AK9: variants seen among roughly 807,000 people sequenced by gnomAD.
The protein encoded by AK9 is adenylate kinase domain containing 1.
In AK9, 191 loss-of-function variants were observed where a neutral mutation model predicts 239.6. The ratio of observed to expected loss-of-function variants is 0.80; its 90% CI spans 0.71 to 0.90. The LOEUF (loss-of-function observed/expected upper bound fraction) is 0.90, where lower values mean the gene tolerates loss of function less well. Ranked by LOEUF, AK9 falls within the 40% of genes least tolerant of loss-of-function variation. The pLI is 0.00. For synonymous variants in AK9, 689 were observed against 721.0 expected, an observed-to-expected ratio of 0.96 and a Z score of 0.71; for missense variants, 1,995 against 2,214.7, an observed-to-expected ratio of 0.90 and a Z score of 1.99.
intron 26 of AK9, 108 bp downstream of exon 26, chr6:109,545,758 GT>G (rs1316986405): frequency 3.2e-5 from 43 of 1,345,456 alleles, no homozygotes; most frequent in Non-Finnish European, 3.8e-5. Context: ...AGCTGTGATT[GT>G]GCCACTGCCT....
intron 5 of AK9, among the ~76,000 whole-genome samples, 195 bp downstream of exon 5, chr6:109,671,724 T>C (rs1439783992): frequency 7.6e-6 from 1 of 132,352 alleles, no homozygotes; most frequent in Non-Finnish European, 1.7e-5. Context: ...TATAAACTTA[T>C]TTTTAAAACA....
At chr6:109,606,746 C>T (rs1792933774) in intron 17 of AK9, among the ~76,000 whole-genome samples, 1 of 152,220 alleles carries the variant, frequency 6.6e-6, no homozygotes, top group Non-Finnish European at 1.5e-5. Context: ...GTCCCTCTGC[C>T]TCTGCTTCCC....
At chr6:109,685,125 TTGG>T (rs1220971823) in intron 1 of AK9, among the ~76,000 whole-genome samples, 2 of 152,100 alleles carry the variant, frequency 1.3e-5, no homozygotes, top group South Asian at 2.1e-4. Flanking sequence ...TTTTACACTG[TTGG>T]TGGGAGTGTA....
chr6:109,561,250 C>A (rs1307776723), intron 24 of AK9, among the ~76,000 whole-genome samples: 1 of 152,006 alleles, frequency 6.6e-6, no homozygotes, highest in East Asian at 1.9e-4. Context: ...CCATGCCCAG[C>A]TTGCCTTCGT....
At chr6:109,675,866 C>T (rs955139398) in intron 1 of AK9, 110 bp from the exon 2 acceptor site, 41 of 587,498 alleles carry the variant, frequency 7.0e-5, no homozygotes, top group Non-Finnish European at 1.2e-4. Context: ...TCATTTTGTA[C>T]CATTAAACAC....
intron 24 of AK9, among the ~76,000 whole-genome samples, chr6:109,551,060 T>G (rs2357124): frequency 0.35 from 52,445 of 151,904 alleles, 9,529 homozygotes; most frequent in South Asian, 0.44. Flanking sequence ...AGATATATAT[T>G]TAGGCACATA....
intron 27 of AK9, among the ~76,000 whole-genome samples, chr6:109,539,904 G>A (rs1417030477): frequency 6.6e-6 from 1 of 152,154 alleles, no homozygotes; most frequent in African/African-American, 2.4e-5. Flanking sequence ...AGCAGTGGAG[G>A]CTGCAGTACA....
intron 23 of AK9, 48 bp downstream of exon 23, chr6:109,564,032 A>G (rs1314117106): frequency 6.8e-7 from 1 of 1,471,488 alleles, no homozygotes; most frequent in Non-Finnish European, 9.2e-7. Context: ...AATGCTTCTA[A>G]TACTATCACC....
chr6:109,644,584 T>C lies in AK9; in HGVS notation c.834+30A>G, dbSNP rs79698332. 5.7e-4 allele frequency: 890 copies of C among 1,559,548 alleles called. 14 individuals are homozygous for C. The East Asian group carries it at 0.018, about 32-fold the overall frequency. ...CAATAGATTTAAATTTTCCATGCTG[T>C]GAAGTATTCCTGCTTAACACTGCAC... On this transcript the variant is annotated intron_variant, in intron 9 of 40. Transcript: ENST00000424296.
chr6:109,654,552 A>T (rs187906830), intron 8 of AK9, among the ~76,000 whole-genome samples: 24 of 152,216 alleles, frequency 1.6e-4, no homozygotes, highest in African/African-American at 5.3e-4. Context: ...GCTGGTCTCG[A>T]ACTCCTGAGC....
chr6:109,546,088 A>G lies in AK9; in HGVS notation c.3004T>C (p.Ser1002Pro), dbSNP rs745805426. 1 of 1,383,562 alleles carries G rather than the reference A, an allele frequency of 7.2e-7. No homozygotes were observed. Among genetic ancestry groups the G allele is most frequent in the Non-Finnish European group, 9.7e-7 (1 of 1,036,058 alleles). The allele number at this position is 1,383,562 out of a possible 1,614,324, so 85.7% of individuals were successfully genotyped here. A position where few individuals can be genotyped will look rare whatever the true frequency, so the allele number is the denominator to read the frequency against. The change falls in exon 26 of 41, where the codon TCT becomes CCT. Residue 1002 changes from serine (S) to proline (P), a missense_variant. Transcript: ENST00000424296. ...LRICLVGPQG[S>P]GKTMCGRQLA... is the part of the protein sequence containing the mutation. ...TGTCTTCCACACATAGTTTTGCCAG[A>G]GCCCTGGGGGCCGACAAGGCATATT...
At chr6:109,675,080 C>T (rs953980577) in intron 2 of AK9, among the ~76,000 whole-genome samples, 1 of 152,136 alleles carries the variant, frequency 6.6e-6, no homozygotes, top group African/African-American at 2.4e-5. Context: ...GGCATGGTGC[C>T]TCTCAGGATC....
chr6:109,671,786 CA>C (rs1770936735), intron 5 of AK9, 132 bp downstream of exon 5: 3 of 689,682 alleles, frequency 4.3e-6, no homozygotes, highest in Non-Finnish European at 7.4e-6. Flanking sequence ...CTGAGCTGTT[CA>C]ACTGAATAGA....
At chr6:109,663,167 T>C (rs1800666684) in intron 5 of AK9, among the ~76,000 whole-genome samples, 1 of 152,210 alleles carries the variant, frequency 6.6e-6, no homozygotes, top group Admixed American at 6.5e-5. Context: ...AATATGATTT[T>C]GGTTTAGTGC....
chr6:109,647,298 T>A (rs1798200333), intron 8 of AK9, among the ~76,000 whole-genome samples: 2 of 152,154 alleles, frequency 1.3e-5, no homozygotes, highest in Non-Finnish European at 2.9e-5. Context: ...ATTGGCAAAT[T>A]GGATAAAGAG....
chr6:109,664,610 A>G (rs985586921), intron 5 of AK9, among the ~76,000 whole-genome samples: 1 of 151,666 alleles, frequency 6.6e-6, no homozygotes, highest in African/African-American at 2.4e-5. Flanking sequence ...TTTTCAGTAG[A>G]GACAGGGTTT....
intron 1 of AK9, among the ~76,000 whole-genome samples, chr6:109,685,537 C>T (rs941559600): frequency 2.7e-5 from 4 of 150,934 alleles, no homozygotes; most frequent in African/African-American, 9.8e-5. Context: ...AATGAGAACA[C>T]ATGGACGTAG....
chr6:109,568,849 A>C (rs1204652629), intron 21 of AK9, among the ~76,000 whole-genome samples: 1 of 152,222 alleles, frequency 6.6e-6, no homozygotes, highest in Admixed American at 6.5e-5. Context: ...AAATGGCCAT[A>C]CTGCCCAAAG....
intron 8 of AK9, among the ~76,000 whole-genome samples, chr6:109,649,892 G>C (rs1798663723): frequency 6.6e-6 from 1 of 152,124 alleles, no homozygotes; most frequent in African/African-American, 2.4e-5. Flanking sequence ...CAGAGATATA[G>C]ACCAATGGAA....
Sources: allele counts gnomAD v4.1 joint callset (sites outside exome capture counted in the v4.1 genomes callset), GRCh38; gene constraint gnomAD v4.1.1; transcripts MANE v1.5; gene names NCBI Gene and HGNC (gene_info 2026-07-23, HGNC 2026-07-21).